The following PRC1 variants were observed in gnomAD, a reference collection of about 807,000 sequenced individuals.
PRC1 encodes anaphase spindle elongation 1 homolog.
In PRC1, 54 loss-of-function variants were observed where a neutral mutation model predicts 91.2. That is an observed-to-expected ratio of 0.59 (90% confidence interval 0.48 to 0.74). The LOEUF (loss-of-function observed/expected upper bound fraction) is 0.74. PRC1 is among the 30% of genes least tolerant of loss of function. The pLI is 0.00. For synonymous variants in PRC1, 275 were observed against 263.6 expected (o/e 1.04, Z -0.42); for missense variants, 727 against 746.2 (o/e 0.97, Z 0.30).
intron 1 of PRC1, among the ~76,000 whole-genome samples, chr15:90,989,461 G>C (rs568178661): frequency 4.5e-4 from 64 of 142,516 alleles, no homozygotes; most frequent in African/African-American, 1.6e-3. Context: ...GCTCAGGCTG[G>C]TCTTGAACTC....
At chr15:90,969,840 TG>T (rs1446471724) in intron 12 of PRC1, among the ~76,000 whole-genome samples, 1 of 147,558 alleles carries the variant, frequency 6.8e-6, no homozygotes, top group Non-Finnish European at 1.5e-5. Context: ...CCCAACACTT[TG>T]GGAGGCCAAG....
chr15:90,968,816 G>C (rs964352506), intron 14 of PRC1: 1 of 1,280,352 alleles, frequency 7.8e-7, no homozygotes, highest in African/African-American at 1.5e-5. Flanking sequence ...AATTGGGGAG[G>C]GTCAAGGTTT....
chr15:90,991,137 G>A (rs541574578), intron 1 of PRC1, among the ~76,000 whole-genome samples: 20 of 151,898 alleles, frequency 1.3e-4, no homozygotes, highest in African/African-American at 4.8e-4. Context: ...TTTTACTATG[G>A]CCGGGCGCGG....
chr15:90,985,127 C>T (rs1426748178), intron 1 of PRC1, among the ~76,000 whole-genome samples: 1 of 151,828 alleles, frequency 6.6e-6, no homozygotes, highest in Non-Finnish European at 1.5e-5. Flanking sequence ...AAAGAAAAAC[C>T]GGACAAAAGA....
Position 90,974,811 on chromosome 15 carries a change from G to A in PRC1, c.1204-80C>T. The A allele has an allele frequency of 6.6e-7, 1 of 1,517,674 alleles. No homozygotes were observed. The highest frequency in any genetic ancestry group is 2.3e-5 in the East Asian group (1 of 44,368). 94.0% of individuals were successfully genotyped at this position (1,517,674 alleles called of 1,614,324 possible). A position where few individuals can be genotyped will look rare whatever the true frequency, so the allele number is the denominator to read the frequency against. On this transcript the variant is annotated intron_variant, in intron 9 of 14. Transcript: ENST00000394249. This position sits in a 1 kb window ranked among gnomAD's most constrained non-coding sequence, Gnocchi z 4.6. Reference sequence around the variant, plus strand: ...AAATGAAATGATTTCCCTAGAGAGTGACTCCTCCTCCCCAGAGCATCATTA... The same window carrying A: ...AAATGAAATGATTTCCCTAGAGAGTAACTCCTCCTCCCCAGAGCATCATTA...
chr15:90,979,958 T>C (rs2039048821), intron 7 of PRC1, among the ~76,000 whole-genome samples: 1 of 152,248 alleles, frequency 6.6e-6, no homozygotes, highest in South Asian at 2.1e-4. Flanking sequence ...CCAATAAAAT[T>C]TGCAAATGCT....
chr15:90,984,229 CTTTTTCTT>C lies in PRC1; in HGVS notation c.145-97_145-90del. 1 of 1,508,398 alleles carries C rather than the reference CTTTTTCTT, an allele frequency of 6.6e-7. No homozygotes were observed. The highest frequency in any genetic ancestry group is 9.0e-7 in the Non-Finnish European group (1 of 1,116,496). The allele number at this position is 1,508,398 out of a possible 1,614,324, so 93.4% of individuals were successfully genotyped here. On this transcript the variant is annotated intron_variant, in intron 2 of 14. Coordinates refer to ENST00000394249, the MANE Select transcript of PRC1 (RefSeq NM_003981.4). The surrounding 1 kb of genome is among the most constrained non-coding windows in gnomAD (Gnocchi z 5.1). ...ACCAAACTCCTCAAATTTCTTTTTT[CTTTTTCTT>C]TTTTTCTTTGAGATGGAGTCTCGCT... is the stretch of plus-strand genomic sequence containing the variant.
chr15:90,970,863 T>C (rs1241027748), intron 11 of PRC1, among the ~76,000 whole-genome samples: 1 of 152,218 alleles, frequency 6.6e-6, no homozygotes, highest in East Asian at 1.9e-4. Context: ...AACAGCTCCC[T>C]GCAGCAGCCA....
chr15:90,966,758 T>C lies in PRC1; in HGVS notation c.*373A>G, dbSNP rs113296674. On this transcript the variant is annotated 3_prime_UTR_variant, in exon 15 of 15. Transcript: ENST00000394249. Reference sequence around the variant, plus strand: ...AGATGTTAATTACTAGTTACAGGTATACATGCCAAAATTACCCCCAGGGAT... The same window carrying C: ...AGATGTTAATTACTAGTTACAGGTACACATGCCAAAATTACCCCCAGGGAT... The C allele has an allele frequency of 1.9e-4, 82 of 433,670 alleles. 1 individual carries two copies. The highest frequency in any genetic ancestry group is 1.5e-3 in the African/African-American group (75 of 49,990). The allele number at this position is 433,670 out of a possible 1,614,324, so 26.9% of individuals were successfully genotyped here.
intron 11 of PRC1, among the ~76,000 whole-genome samples, chr15:90,972,033 A>C (rs28405499): frequency 0.062 from 9,341 of 150,790 alleles, 394 homozygotes; most frequent in African/African-American, 0.11. Flanking sequence ...GTCTCAAAAA[A>C]ACAAAACCAA....
At position 90,994,508 on chromosome 15, in the gene PRC1, ACTCCGCGTAGCCG is replaced by A. The variant is rs1052932677; in HGVS notation, c.-104_-92del. On this transcript the variant is annotated 5_prime_UTR_variant, in exon 1 of 15. Transcript: ENST00000394249. ...ACCACCCGCAAACACCGGCGATGTCACTCCGCGTAGCCGCTCCGCGAGCCGTTGAGCCCCGCAA... is the reference window on the plus strand; with the variant it reads ...ACCACCCGCAAACACCGGCGATGTCACTCCGCGAGCCGTTGAGCCCCGCAA... 5.5e-6 allele frequency: 8 copies of A among 1,461,372 alleles called. No individual in the cohort carries two copies. In the African/African-American group the frequency reaches 8.7e-5, roughly 16 times the overall value. The allele number at this position is 1,461,372 out of a possible 1,614,324, so 90.5% of individuals were successfully genotyped here.
At chr15:90,969,881 G>A (rs1402259197) in intron 12 of PRC1, among the ~76,000 whole-genome samples, 3 of 150,556 alleles carry the variant, frequency 2.0e-5, no homozygotes, top group African/African-American at 7.3e-5. Context: ...CGACATGTTC[G>A]AGACCAGCCT....
In PRC1 at chr15:90,981,842, C is replaced by T; in HGVS notation, c.407G>A (p.Cys136Tyr). 6.2e-7 allele frequency: 1 copy of T among 1,614,204 alleles called. No homozygotes were observed. Among genetic ancestry groups the T allele is most frequent in the Non-Finnish European group, 8.5e-7 (1 of 1,180,040 alleles). Residue 136 changes from cysteine (C) to tyrosine (Y), a missense_variant, in exon 4 of 15, where the codon TGT (cysteine) becomes TAT (tyrosine). Cys to Tyr is a radical substitution (Grantham distance 194, BLOSUM62 -2). Transcript: ENST00000394249. ...EQDQELCEILCMPHYDIDSAS... is the reference protein window; with the variant it reads ...EQDQELCEILYMPHYDIDSAS... ...ACTGTCAATATCATAGTGGGGCATACAAAGAATTTCGCACAGTTCTTGATC... is the reference window on the plus strand; with the variant it reads ...ACTGTCAATATCATAGTGGGGCATATAAAGAATTTCGCACAGTTCTTGATC...
intron 1 of PRC1, among the ~76,000 whole-genome samples, chr15:90,992,398 TTTC>T (rs2040029427): frequency 6.6e-6 from 1 of 152,176 alleles, no homozygotes; most frequent in African/African-American, 2.4e-5. Context: ...AAGAAGTATT[TTTC>T]TTTTCTTTTT....
chr15:90,970,955 G>C (rs1331612200), intron 11 of PRC1, among the ~76,000 whole-genome samples: 1 of 152,206 alleles, frequency 6.6e-6, no homozygotes, highest in Non-Finnish European at 1.5e-5. Flanking sequence ...AATGAATATT[G>C]ATCTACAATA....
intron 8 of PRC1, among the ~76,000 whole-genome samples, chr15:90,977,569 TATTTAC>T (rs1217695528): frequency 6.7e-5 from 10 of 149,446 alleles, no homozygotes; most frequent in South Asian, 4.3e-4. Flanking sequence ...CTTAGCTCCT[TATTTAC>T]GTTTTTTTTT....
rs549968248 is a variant in PRC1, at chr15:90,989,443, G to A, written c.12-4618C>T. ...TTTTTTTTTTTTTTTTTTAAGGTTT[G>A]CCATGTTGCTCAGGCTGGTCTTGAA... On this transcript the variant is annotated intron_variant, in intron 1 of 14. Transcript: ENST00000394249. 6.8e-5 allele frequency among the ~76,000 whole-genome samples: 8 copies of A among 117,708 alleles called. No homozygotes were observed. The South Asian group carries it at 2.2e-3, about 33-fold the overall frequency. The allele number at this position is 117,708 out of a possible 152,430, so 77.2% of individuals were successfully genotyped here.
At chr15:90,986,903 A>AC (rs397976031) in intron 1 of PRC1, among the ~76,000 whole-genome samples, 2 of 151,476 alleles carry the variant, frequency 1.3e-5, no homozygotes, top group East Asian at 3.9e-4. Context: ...GAAAAAAAAA[A>AC]CACTTTAGGC....
chr15:90,989,848 AG>A (rs2039853309), intron 1 of PRC1, among the ~76,000 whole-genome samples: 1 of 152,144 alleles, frequency 6.6e-6, no homozygotes, highest in Non-Finnish European at 1.5e-5. Context: ...TATCCAGAAT[AG>A]GTAAAAAGTA....
Sources: gnomAD v4.1 joint callset for allele counts (sites outside exome capture counted in the v4.1 genomes callset) on GRCh38, gnomAD v4.1.1 for gene constraint, Gnocchi (gnomAD v3.1) non-coding constraint, MANE v1.5 for transcripts, NCBI Gene and HGNC (gene_info 2026-07-23, HGNC 2026-07-21) for gene names.